The following PFKFB2 variants were observed in gnomAD, a reference collection of about 807,000 sequenced individuals.
The protein encoded by PFKFB2 is 6-phosphofructo-2-kinase/fructose-2,6-biphosphatase 2.
A neutral mutation model predicts 68.0 loss-of-function variants in PFKFB2; 53 were observed. The ratio of observed to expected loss-of-function variants is 0.78; its 90% CI spans 0.63 to 0.98. PFKFB2 has a LOEUF of 0.98. PFKFB2 is among the 50% of genes least tolerant of loss of function. The pLI, the probability that PFKFB2 is intolerant of heterozygous loss-of-function variation, is 0.00. For synonymous variants in PFKFB2, 222 were observed against 227.6 expected (o/e 0.98, Z 0.22); for missense variants, 451 against 642.0 (o/e 0.70, Z 3.22).
At chr1:207,049,528 G>A (rs1198897327), upstream of PFKFB2, 1 of 1,614,136 alleles carries the variant, frequency 6.2e-7, no homozygotes. Flanking sequence ...TCTCATCTCA[G>A]GGGCACAAGC....
At position 207,061,073 on chromosome 1, in the gene PFKFB2, ATCTTTATATATC is replaced by A. The variant is rs1349541431; in HGVS notation, c.86-878_86-867del. On this transcript the variant is annotated intron_variant, in intron 2 of 14. Transcript: ENST00000367080. ...ATATTTTATATATATCTTTATATAT[ATCTTTATATATC>A]TTTATATATATCTTTATATATATCT... 699 of 102,504 alleles carry A rather than the reference ATCTTTATATATC, an allele frequency of 6.8e-3. 13 individuals are homozygous for A. The highest frequency in any genetic ancestry group is 0.024 in the African/African-American group (655 of 26,834). 6.3% of individuals were successfully genotyped at this position (102,504 alleles called of 1,614,324 possible).
In PFKFB2 at chr1:207,073,205, AT is replaced by A; in HGVS notation, c.*839del. The A allele has an allele frequency of 1.0e-6, 1 of 985,494 alleles. No homozygotes were observed. Among genetic ancestry groups the A allele is most frequent in the Non-Finnish European group, 1.2e-6 (1 of 830,008 alleles). 61.0% of individuals were successfully genotyped at this position (985,494 alleles called of 1,614,324 possible). On this transcript the variant is annotated 3_prime_UTR_variant, in exon 15 of 15. Coordinates refer to ENST00000367080, the MANE Select transcript of PFKFB2 (RefSeq NM_006212.2). ...GCATGTGGGAAATGTCTTGGTTTTT[AT>A]TTTTAATTTAGAGTCAGGCCTGGGT... is the stretch of plus-strand genomic sequence containing the variant.
At chr1:207,049,240 G>A, upstream of PFKFB2, 1 of 1,614,126 alleles carries the variant, frequency 6.2e-7, no homozygotes, top group East Asian at 2.2e-5. Flanking sequence ...ATCTGGATCA[G>A]GGAAGTTACG....
rs562370747 is a variant in PFKFB2, at chr1:207,070,061, G to A, written c.1093-219G>A. Among the ~76,000 whole-genome samples, 1 of 152,168 alleles carries A rather than the reference G, an allele frequency of 6.6e-6. No homozygotes were observed. The highest frequency in any genetic ancestry group is 2.4e-5 in the African/African-American group (1 of 41,424). On this transcript the variant is annotated intron_variant, in intron 11 of 14. Transcript: ENST00000367080. This position sits in a 1 kb window ranked among gnomAD's most constrained non-coding sequence, Gnocchi z 4.2. ...AACTCACACTTCCTCTTCTTAACCTGTAGTTTTCTTGGTCTAAATATTGCT... is the reference window on the plus strand; with the variant it reads ...AACTCACACTTCCTCTTCTTAACCTATAGTTTTCTTGGTCTAAATATTGCT...
intron 2 of PFKFB2, among the ~76,000 whole-genome samples, chr1:207,058,070 T>G (rs184737526): frequency 6.6e-6 from 1 of 152,366 alleles, no homozygotes; most frequent in East Asian, 1.9e-4. Context: ...CTGTTTTCAA[T>G]ATTTTAAGAT....
At position 207,075,044 on chromosome 1, in the gene PFKFB2, T is replaced by G; in HGVS notation, c.*2673T>G. ...GGGCATTCAGTCTTTTCTTCTGCTGTGAGGTAAGAGTAATTCAGACCTAAT... is the reference window on the plus strand; with the variant it reads ...GGGCATTCAGTCTTTTCTTCTGCTGGGAGGTAAGAGTAATTCAGACCTAAT... On this transcript the variant is annotated 3_prime_UTR_variant, in exon 15 of 15. Coordinates refer to ENST00000367080, the MANE Select transcript of PFKFB2 (RefSeq NM_006212.2). 2.0e-6 allele frequency: 2 copies of G among 985,498 alleles called. No homozygotes were observed. Among genetic ancestry groups the G allele is most frequent in the South Asian group, 4.7e-5 (1 of 21,288 alleles). 61.0% of individuals were successfully genotyped at this position (985,498 alleles called of 1,614,324 possible).
chr1:207,050,590 C>G (rs1230144431), upstream of PFKFB2: 5 of 1,530,218 alleles, frequency 3.3e-6, no homozygotes, highest in Admixed American at 8.5e-5. Context: ...GCCCCCCCGC[C>G]GACTCACAGC....
chr1:207,043,733 T>C (rs1225543237), intron 2 of PFKFB2: 1 of 152,616 alleles, frequency 6.6e-6, no homozygotes. Flanking sequence ...AAGGGTGATA[T>C]TTGGCAGATT....
chr1:207,059,480 G>A (rs973859610), intron 2 of PFKFB2, among the ~76,000 whole-genome samples: 2 of 152,150 alleles, frequency 1.3e-5, no homozygotes, highest in Non-Finnish European at 2.9e-5. Flanking sequence ...TGCTTGTTAG[G>A]GGCCAGTGAT....
chr1:207,061,121 A>ATATATATCTT (rs1359623889), intron 2 of PFKFB2, among the ~76,000 whole-genome samples: 5,296 of 87,370 alleles, frequency 0.061, 902 homozygotes, highest in African/African-American at 0.22. Context: ...ATATATCTTT[A>ATATATATCTT]TATATATCTT....
chr1:207,077,896 A>G (rs775776476), downstream of PFKFB2: 2 of 644,542 alleles, frequency 3.1e-6, no homozygotes, highest in African/African-American at 4.0e-5. Context: ...ACTTTGCCTC[A>G]TGCTGCACAA....
chr1:207,071,221 C>T lies in PFKFB2; in HGVS notation c.1256C>T (p.Thr419Ile), dbSNP rs1248257163. 6.2e-7 allele frequency: 1 copy of T among 1,613,680 alleles called. No individual in the cohort carries two copies. Among genetic ancestry groups the T allele is most frequent in the Non-Finnish European group, 8.5e-7 (1 of 1,179,678 alleles). The change falls in exon 13 of 15, where the codon ACC becomes ATC. Residue 419 changes from threonine (T) to isoleucine (I), a missense_variant. Thr to Ile is a moderately conservative substitution (Grantham distance 89). Transcript: ENST00000367080. The part of the protein sequence containing the change: ...ELPYLRCPLH[T>I]IFKLTPVAYG... ...CCATACTTGAGATGCCCTCTCCATA[C>T]CATCTTCAAACTTACTCCTGTGGCC...
At position 207,073,615 on chromosome 1, in the gene PFKFB2, A is replaced by G; in HGVS notation, c.*1244A>G. 1.0e-6 allele frequency: 1 copy of G among 985,016 alleles called. No individual in the cohort carries two copies. Among genetic ancestry groups the G allele is most frequent in the Non-Finnish European group, 1.2e-6 (1 of 829,526 alleles). The allele number at this position is 985,016 out of a possible 1,614,324, so 61.0% of individuals were successfully genotyped here. ...CTCTCATTGGAGTATTCTTTTGTTC[A>G]TAAAGAGAAACTATCTCATCTTGAT... On this transcript the variant is annotated 3_prime_UTR_variant, in exon 15 of 15. Coordinates refer to ENST00000367080, the MANE Select transcript of PFKFB2 (RefSeq NM_006212.2).
At chr1:207,039,586 C>G (rs1572704807) in intron 1 of PFKFB2, among the ~76,000 whole-genome samples, 1 of 152,092 alleles carries the variant, frequency 6.6e-6, no homozygotes. Context: ...CCATTGTTGA[C>G]AGAAAAATTA....
Position 207,063,888 on chromosome 1 carries a change from G to GGGGGTGTGT in PFKFB2, c.507+60_507+61insGGGTGTGTG. The GGGGGTGTGT allele has an allele frequency of 9.8e-7, 1 of 1,015,394 alleles. No homozygotes were observed. Among genetic ancestry groups the GGGGGTGTGT allele is most frequent in the Non-Finnish European group, 1.5e-6 (1 of 650,708 alleles). 62.9% of individuals were successfully genotyped at this position (1,015,394 alleles called of 1,614,324 possible). A position where few individuals can be genotyped will look rare whatever the true frequency, so the allele number is the denominator to read the frequency against. On this transcript the variant is annotated intron_variant, in intron 7 of 14. Transcript: ENST00000367080. This position sits in a 1 kb window ranked among gnomAD's most constrained non-coding sequence, Gnocchi z 4.1. ...ACCTTTTGTGCTGTGTGTGTTGTGG[G>GGGGGTGTGT]GTGTGTGTGTGTGTGTGTGTGTGTG...
upstream of PFKFB2, chr1:207,052,433 G>A (rs951795047): frequency 3.0e-5 from 15 of 496,464 alleles, no homozygotes; most frequent in South Asian, 2.8e-4. Flanking sequence ...AGGCCGAGGC[G>A]GGTGAATCAC....
At chr1:207,041,460 C>T (rs1304932929) in intron 1 of PFKFB2, among the ~76,000 whole-genome samples, 4 of 152,102 alleles carry the variant, frequency 2.6e-5, no homozygotes, top group Admixed American at 1.3e-4. Context: ...GTTCAACTCC[C>T]ACTTATGAGT....
chr1:207,063,559 C>A lies in PFKFB2; in HGVS notation c.450+138C>A. The stretch of plus-strand genomic sequence containing the variant: ...CTTCTCTCAGAGCATTCCCCCAGTC[C>A]TTGAGTGTTTTCATTCAGGTCCTTT... On this transcript the variant is annotated intron_variant, in intron 6 of 14. Transcript: ENST00000367080. The surrounding 1 kb of genome is among the most constrained non-coding windows in gnomAD (Gnocchi z 4.1). The A allele has an allele frequency of 1.3e-6, 1 of 756,798 alleles. No homozygotes were observed. The highest frequency in any genetic ancestry group is 2.3e-6 in the Non-Finnish European group (1 of 428,718). The allele number at this position is 756,798 out of a possible 1,614,324, so 46.9% of individuals were successfully genotyped here.
Position 207,072,366 on chromosome 1 carries a change from G to A in PFKFB2, c.1513G>A (p.Asp505Asn), listed in dbSNP as rs755589744. The A allele has an allele frequency of 3.7e-6, 6 of 1,612,712 alleles. No homozygotes were observed. The highest frequency in any genetic ancestry group is 2.2e-5 in the East Asian group (1 of 44,886). Reference protein sequence around the residue: ...LRAQDMQEGAD With the variant: ...LRAQDMQEGAN ...TGCCCAGGACATGCAAGAAGGGGCCGACTAGCCGAAGACCCAAGTCAGCAT... is the reference window on the plus strand; with the variant it reads ...TGCCCAGGACATGCAAGAAGGGGCCAACTAGCCGAAGACCCAAGTCAGCAT... Residue 505 changes from aspartate to asparagine, a missense_variant, in exon 15 of 15, where the codon GAC (aspartate) becomes AAC (asparagine). Asp to Asn is a conservative substitution (Grantham distance 23, BLOSUM62 1). Transcript: ENST00000367080.
Sources: allele counts gnomAD v4.1 joint callset (sites outside exome capture counted in the v4.1 genomes callset), GRCh38; gene constraint gnomAD v4.1.1; non-coding constraint Gnocchi (gnomAD v3.1); transcripts MANE v1.5; gene names NCBI Gene and HGNC (gene_info 2026-07-23, HGNC 2026-07-21).